ISL1: variants seen among roughly 807,000 people sequenced by gnomAD.
ISL1 encodes the protein ISL LIM homeobox 1, also known as insulin gene enhancer protein ISL-1.
ISL1 carries 4 observed loss-of-function variants against 35.3 expected under a neutral mutation model. That is an observed-to-expected ratio of 0.11 (90% CI 0.06 to 0.26). The LOEUF (loss-of-function observed/expected upper bound fraction) is 0.26. ISL1 is among the 10% of genes least tolerant of loss of function. ISL1 has a pLI of 1.00. For missense variants in ISL1, 340 were observed against 472.8 expected (o/e 0.72, Z 2.60); for synonymous variants, 186 against 172.3 (o/e 1.08, Z -0.62).
At position 51,391,925 on chromosome 5, in the gene ISL1, T is replaced by C. The variant is rs142816516; in HGVS notation, c.933+484T>C. 3.3e-3 allele frequency among the ~76,000 whole-genome samples: 506 copies of C among 152,302 alleles called. 2 individuals are homozygous for C. Among genetic ancestry groups the C allele is most frequent in the African/African-American group, 0.012 (486 of 41,560 alleles). On this transcript the variant is annotated intron_variant, in intron 5 of 5. Coordinates refer to ENST00000230658, the MANE Select transcript of ISL1 (RefSeq NM_002202.3). ...AATCAATGCTATAATACACAATCAGTGTTGTTATCAATAAACAGCAGGCAT... is the reference window on the plus strand; with the variant it reads ...AATCAATGCTATAATACACAATCAGCGTTGTTATCAATAAACAGCAGGCAT...
intron 4 of ISL1, among the ~76,000 whole-genome samples, chr5:51,390,636 C>CTTTTTTTTTTTTTTTTTTT (rs1216503548): frequency 1.3e-5 from 1 of 74,326 alleles, no homozygotes; most frequent in African/African-American, 4.2e-5. Flanking sequence ...TCTTTTCTTT[C>CTTTTTTTTTTTTTTTTTTT]TTTTTCTTTT....
chr5:51,394,379 TC>T lies in ISL1; in HGVS notation c.*774del, dbSNP rs891413524. ...TGACTTGTGTCTGTCCAAGAACTTT[TC>T]CCCCAAAGATGTGTATAGTTATTGG... On this transcript the variant is annotated 3_prime_UTR_variant, in exon 6 of 6. Transcript: ENST00000230658. 5.9e-5 allele frequency: 9 copies of T among 152,428 alleles called. No individual in the cohort carries two copies. Among genetic ancestry groups the T allele is most frequent in the Admixed American group, 5.2e-4 (8 of 15,272 alleles). 9.4% of individuals were successfully genotyped at this position (152,428 alleles called of 1,614,324 possible).
chr5:51,393,577 T>C lies in ISL1; in HGVS notation c.1017T>C (p.Pro339=), dbSNP rs748442961. The change falls in exon 6 of 6, where the codon CCT becomes CCC. Residue 339 remains proline (P), a synonymous_variant. Transcript: ENST00000230658. ...TGTCCTCTCAACTTCCAGATACACCTAACAGCATGGTAGCCAGTCCTATTG... is the reference window on the plus strand; with the variant it reads ...TGTCCTCTCAACTTCCAGATACACCCAACAGCATGGTAGCCAGTCCTATTG... ...ASMSSQLPDT[P]NSMVASPIEA 7 of 1,611,680 alleles carry C rather than the reference T, an allele frequency of 4.3e-6. No homozygotes were observed. Among genetic ancestry groups the C allele is most frequent in the African/African-American group, 4.0e-5 (3 of 74,886 alleles).
At chr5:51,386,380 G>C (rs1747343420) in intron 2 of ISL1, 3 of 112,986 alleles carry the variant, frequency 2.7e-5, no homozygotes, top group Non-Finnish European at 5.2e-5. Context: ...TCAACTCTGT[G>C]TGTGTGTGTG....
chr5:51,385,580 T>G (rs1363150730), intron 2 of ISL1, among the ~76,000 whole-genome samples: 8 of 1,824 alleles, frequency 4.4e-3, no homozygotes, highest in Admixed American at 0.031. Context: ...GGAGAGTTTT[T>G]GTTTTTTTTT....
chr5:51,386,333 A>G (rs1172461105), intron 2 of ISL1: 1 of 294,188 alleles, frequency 3.4e-6, no homozygotes, highest in Admixed American at 4.4e-5. Flanking sequence ...ACATGTGTAG[A>G]AGGAACTAAT....
At chr5:51,383,722 G>A (rs777117138) in intron 1 of ISL1, 23 bp downstream of exon 1, 2 of 1,602,470 alleles carry the variant, frequency 1.2e-6, no homozygotes, top group South Asian at 2.2e-5. Flanking sequence ...TTTACCTTGT[G>A]GGGCTCGGTG....
chr5:51,393,493 G>A lies in ISL1; in HGVS notation c.934-1G>A. ...TATTTATTTCTCAACCTTCTATGCA[G>A]GTCAATTTTTCAGAAGGAGGACCGG... On this transcript the variant is annotated splice_acceptor_variant, in intron 5 of 5. Coordinates refer to ENST00000230658, the MANE Select transcript of ISL1 (RefSeq NM_002202.3). LOFTEE classifies it high-confidence loss of function. 6.3e-7 allele frequency: 1 copy of A among 1,579,720 alleles called. No individual in the cohort carries two copies. Among genetic ancestry groups the A allele is most frequent in the Non-Finnish European group, 8.7e-7 (1 of 1,148,694 alleles).
chr5:51,391,613 C>T, intron 5 of ISL1, 172 bp downstream of exon 5: 1 of 677,402 alleles, frequency 1.5e-6, no homozygotes, highest in Non-Finnish European at 2.6e-6. Flanking sequence ...GAAAACGAAC[C>T]TCTTGGCATC....
chr5:51,387,399 G>T lies in ISL1; in HGVS notation c.219-91G>T. 1 of 1,423,484 alleles carries T rather than the reference G, an allele frequency of 7.0e-7. No individual in the cohort carries two copies. Among genetic ancestry groups the T allele is most frequent in the Non-Finnish European group, 9.8e-7 (1 of 1,024,984 alleles). The allele number at this position is 1,423,484 out of a possible 1,614,324, so 88.2% of individuals were successfully genotyped here. A position where few individuals can be genotyped will look rare whatever the true frequency, so the allele number is the denominator to read the frequency against. ...CTTGGGGCGTCTTGCCCGGGATCTT[G>T]GGCCAGGGAAGTGCCGGCCTGAAGT... On this transcript the variant is annotated intron_variant, in intron 2 of 5. Coordinates refer to ENST00000230658, the MANE Select transcript of ISL1 (RefSeq NM_002202.3). The surrounding 1 kb of genome is among the most constrained non-coding windows in gnomAD (Gnocchi z 4.3).
chr5:51,393,836 A>G lies in ISL1; in HGVS notation c.*226A>G. On this transcript the variant is annotated 3_prime_UTR_variant, in exon 6 of 6. Transcript: ENST00000230658. ...AATTAAACAACAAACAAAACGCAAA[A>G]CCCAGTATATGCTATTCAATGATCT... 3.4e-6 allele frequency: 2 copies of G among 585,736 alleles called. No individual in the cohort carries two copies. The highest frequency in any genetic ancestry group is 6.1e-6 in the Non-Finnish European group (2 of 327,756). 36.3% of individuals were successfully genotyped at this position (585,736 alleles called of 1,614,324 possible). A position where few individuals can be genotyped will look rare whatever the true frequency, so the allele number is the denominator to read the frequency against.
rs1360484131 is a variant in ISL1 at position 51,389,224 on chromosome 5, T to C, written c.479-422T>C. On this transcript the variant is annotated intron_variant, in intron 3 of 5. Coordinates refer to ENST00000230658, the MANE Select transcript of ISL1 (RefSeq NM_002202.3). The surrounding 1 kb of genome is among the most constrained non-coding windows in gnomAD (Gnocchi z 5.0). ...TGATCCTGGAGAGGGTGGTAATCAA[T>C]GTAACTGGGGCCCAGTCTGGGCACA... Among the ~76,000 whole-genome samples the C allele has an allele frequency of 6.6e-6, 1 of 151,832 alleles. No homozygotes were observed. The highest frequency in any genetic ancestry group is 2.0e-4 in the East Asian group (1 of 5,118).
Position 51,389,390 on chromosome 5 carries a change from A to G in ISL1, c.479-256A>G, listed in dbSNP as rs906108596. 6.6e-6 allele frequency among the ~76,000 whole-genome samples: 1 copy of G among 152,254 alleles called. No homozygotes were observed. Among genetic ancestry groups the G allele is most frequent in the South Asian group, 2.1e-4 (1 of 4,822 alleles). The stretch of plus-strand genomic sequence containing the variant: ...GGCGAGTGCTGCGTTTCAGGCCGGG[A>G]TTACTCAGCAAAGACCTCTGCAGAT... On this transcript the variant is annotated intron_variant, in intron 3 of 5. Coordinates refer to ENST00000230658, the MANE Select transcript of ISL1 (RefSeq NM_002202.3). This position sits in a 1 kb window ranked among gnomAD's most constrained non-coding sequence, Gnocchi z 5.0.
At chr5:51,383,917 T>C (rs1384280559) in intron 1 of ISL1, among the ~76,000 whole-genome samples, 1 of 152,170 alleles carries the variant, frequency 6.6e-6, no homozygotes, top group South Asian at 2.1e-4. Flanking sequence ...TTCGCCTGTG[T>C]GCCCTCCAAA....
At position 51,393,872 on chromosome 5, in the gene ISL1, GA is replaced by G. The variant is rs200597453; in HGVS notation, c.*271del. On this transcript the variant is annotated 3_prime_UTR_variant, in exon 6 of 6. Transcript: ENST00000230658. The stretch of plus-strand genomic sequence containing the variant: ...GCTATTCAATGATCTTAGAAGTACT[GA>G]AAAAAAAAGACGTTTTTAAAACGTA... 405 of 444,028 alleles carry G rather than the reference GA, an allele frequency of 9.1e-4. No homozygotes were observed. The highest frequency in any genetic ancestry group is 2.8e-3 in the African/African-American group (141 of 49,756). The allele number at this position is 444,028 out of a possible 1,614,324, so 27.5% of individuals were successfully genotyped here.
At position 51,393,490 on chromosome 5, in the gene ISL1, G is replaced by A. The variant is rs1190226485; in HGVS notation, c.934-4G>A. Reference sequence around the variant, plus strand: ...CTTTATTTATTTCTCAACCTTCTATGCAGGTCAATTTTTCAGAAGGAGGAC... The same window carrying A: ...CTTTATTTATTTCTCAACCTTCTATACAGGTCAATTTTTCAGAAGGAGGAC... On this transcript the variant is annotated splice_region_variant and splice_polypyrimidine_tract_variant and intron_variant, in intron 5 of 5. Coordinates refer to ENST00000230658, the MANE Select transcript of ISL1 (RefSeq NM_002202.3). 1.3e-6 allele frequency: 2 copies of A among 1,554,524 alleles called. No individual in the cohort carries two copies. Among genetic ancestry groups the A allele is most frequent in the East Asian group, 2.2e-5 (1 of 44,556 alleles).
chr5:51,390,727 A>G (rs937845903), intron 4 of ISL1, among the ~76,000 whole-genome samples: 16 of 126,286 alleles, frequency 1.3e-4, no homozygotes, highest in Non-Finnish European at 1.6e-4. Context: ...GCTGTCATTA[A>G]ACTTGGCAGG....
rs1747576749 is a variant in ISL1, at chr5:51,393,951, C to G, written c.*341C>G. 1 of 324,326 alleles carries G rather than the reference C, an allele frequency of 3.1e-6. No individual in the cohort carries two copies. The highest frequency in any genetic ancestry group is 5.8e-6 in the Non-Finnish European group (1 of 171,806). 20.1% of individuals were successfully genotyped at this position (324,326 alleles called of 1,614,324 possible). ...AAAGCATTTTCATTTCACTGCACAT[C>G]TAGAGAAAAACAAAAATAGAAAATT... On this transcript the variant is annotated 3_prime_UTR_variant, in exon 6 of 6. Transcript: ENST00000230658.
chr5:51,383,579 C>T lies in ISL1; in HGVS notation c.-93C>T. On this transcript the variant is annotated 5_prime_UTR_variant, in exon 1 of 6. Coordinates refer to ENST00000230658, the MANE Select transcript of ISL1 (RefSeq NM_002202.3). The stretch of plus-strand genomic sequence containing the variant: ...TTGGCAACCCCAGGGGCCAATATTT[C>T]CCACTTAGCCACAGCTCCAGCATCC... The T allele has an allele frequency of 1.0e-5, 11 of 1,101,174 alleles. No individual in the cohort carries two copies. Among genetic ancestry groups the T allele is most frequent in the East Asian group, 2.3e-5 (1 of 42,606 alleles). The allele number at this position is 1,101,174 out of a possible 1,614,324, so 68.2% of individuals were successfully genotyped here. A position where few individuals can be genotyped will look rare whatever the true frequency, so the allele number is the denominator to read the frequency against.
Sources: gnomAD v4.1 joint callset for allele counts (sites outside exome capture counted in the v4.1 genomes callset) on GRCh38, gnomAD v4.1.1 for gene constraint, Gnocchi (gnomAD v3.1) non-coding constraint, MANE v1.5 for transcripts, NCBI Gene and HGNC (gene_info 2026-07-23, HGNC 2026-07-21) for gene names.